The following KCNK10 variants were observed in gnomAD, a reference collection of about 807,000 sequenced individuals.
KCNK10 encodes the protein potassium channel subfamily K member 10.
A neutral mutation model predicts 47.7 loss-of-function variants in KCNK10; 25 were observed. That is an observed-to-expected ratio of 0.52 (90% confidence interval 0.38 to 0.73). KCNK10 has a LOEUF of 0.73. KCNK10 is among the 30% of genes least tolerant of loss of function. The pLI, the probability that KCNK10 is intolerant of heterozygous loss-of-function variation, is 0.00. For synonymous variants in KCNK10, 303 were observed against 285.6 expected (o/e 1.06, Z -0.61); for missense variants, 563 against 714.5 (o/e 0.79, Z 2.42).
intron 4 of KCNK10, among the ~76,000 whole-genome samples, chr14:88,203,229 C>A (rs901656654): frequency 6.6e-6 from 1 of 152,160 alleles, no homozygotes; most frequent in African/African-American, 2.4e-5. Context: ...TGGCTTCCTC[C>A]GGGACCAGTT....
At chr14:88,303,132 G>A (rs918793177) in intron 1 of KCNK10, among the ~76,000 whole-genome samples, 1 of 152,154 alleles carries the variant, frequency 6.6e-6, no homozygotes, top group Non-Finnish European at 1.5e-5. Context: ...GCTTTTAGAC[G>A]ACATAATATC....
intron 2 of KCNK10, among the ~76,000 whole-genome samples, chr14:88,245,534 A>C (rs1886610298): frequency 1.3e-5 from 2 of 152,166 alleles, no homozygotes; most frequent in African/African-American, 4.8e-5. Context: ...ACTGCTCCAG[A>C]CAGCGTGCGA....
chr14:88,242,520 T>C (rs1030330707), intron 2 of KCNK10, among the ~76,000 whole-genome samples: 2 of 152,214 alleles, frequency 1.3e-5, no homozygotes, highest in African/African-American at 4.8e-5. Context: ...GTGAGTCTAT[T>C]CTTTTCTGCC....
intron 2 of KCNK10, among the ~76,000 whole-genome samples, chr14:88,252,398 T>C (rs1395485528): frequency 2.0e-5 from 3 of 152,130 alleles, no homozygotes; most frequent in African/African-American, 7.2e-5. Context: ...AATGAAAGAA[T>C]GAATAAGTGA....
At chr14:88,302,432 A>G (rs1888119890) in intron 1 of KCNK10, among the ~76,000 whole-genome samples, 2 of 151,986 alleles carry the variant, frequency 1.3e-5, no homozygotes, top group African/African-American at 4.8e-5. Flanking sequence ...CAGAGCGGCC[A>G]GGCGCGGTGG....
rs562133606 is a variant in KCNK10, at chr14:88,223,635, T to C, written c.681+3740A>G. On this transcript the variant is annotated intron_variant, in intron 4 of 6. Coordinates refer to ENST00000319231, the MANE Select transcript of KCNK10 (RefSeq NM_138317.3). The stretch of plus-strand genomic sequence containing the variant: ...TTGGCGAGTTCTTTTTGACTTTATA[T>C]GTGATTTGATTTGGCTAAAAGGTGC... Among the ~76,000 whole-genome samples, 10 of 152,308 alleles carry C rather than the reference T, an allele frequency of 6.6e-5. No individual in the cohort carries two copies. The South Asian group carries it at 2.1e-3, about 32-fold the overall frequency.
At chr14:88,300,842 AGTTTT>A (rs377114040) in intron 1 of KCNK10, among the ~76,000 whole-genome samples, 17,910 of 124,478 alleles carry the variant, frequency 0.14, 1,544 homozygotes, top group East Asian at 0.3. Context: ...ACTGAAAATT[AGTTTT>A]ATTTATCATA....
intron 4 of KCNK10, among the ~76,000 whole-genome samples, chr14:88,217,907 G>A (rs753680116): frequency 1.1e-4 from 16 of 152,042 alleles, no homozygotes; most frequent in Admixed American, 1.3e-4. Context: ...ATTTTTAGTA[G>A]GAACAGGGTT....
intron 4 of KCNK10, among the ~76,000 whole-genome samples, chr14:88,213,298 T>A (rs1377420753): frequency 3.3e-5 from 5 of 151,868 alleles, no homozygotes; most frequent in South Asian, 2.1e-4. Context: ...AAAAAAAAAA[T>A]TACGATAATT....
At chr14:88,268,086 A>G (rs1244348564) in intron 1 of KCNK10, among the ~76,000 whole-genome samples, 1 of 152,184 alleles carries the variant, frequency 6.6e-6, no homozygotes, top group African/African-American at 2.4e-5. Flanking sequence ...GGAGGCTAGA[A>G]CAGCCACTAG....
intron 4 of KCNK10, among the ~76,000 whole-genome samples, chr14:88,221,821 T>A (rs998497451): frequency 6.6e-6 from 1 of 152,192 alleles, no homozygotes; most frequent in Non-Finnish European, 1.5e-5. Context: ...AGTAGGTGAA[T>A]GGATACATAA....
chr14:88,266,886 C>A (rs1248857952), intron 1 of KCNK10, among the ~76,000 whole-genome samples: 3 of 152,208 alleles, frequency 2.0e-5, no homozygotes, highest in Non-Finnish European at 4.4e-5. Context: ...TCCCAAGCTT[C>A]TAGCATCCCT....
intron 4 of KCNK10, among the ~76,000 whole-genome samples, chr14:88,211,456 G>A (rs1885454600): frequency 6.6e-6 from 1 of 152,160 alleles, no homozygotes; most frequent in African/African-American, 2.4e-5. Context: ...CAATGTGAAT[G>A]TACTTAATGC....
intron 1 of KCNK10, among the ~76,000 whole-genome samples, chr14:88,277,510 T>C (rs2139768735): frequency 6.6e-6 from 1 of 152,314 alleles, no homozygotes; most frequent in Middle Eastern, 3.4e-3. Flanking sequence ...ACCCACATTA[T>C]TCCTCATGGG....
Position 88,180,791 on chromosome 14 carries a change from A to G in KCNK10, c.*4744T>C, listed in dbSNP as rs1884320134. 2 of 398,622 alleles carry G rather than the reference A, an allele frequency of 5.0e-6. No individual in the cohort carries two copies. The highest frequency in any genetic ancestry group is 1.3e-4 in the South Asian group (1 of 7,856). The allele number at this position is 398,622 out of a possible 1,614,324, so 24.7% of individuals were successfully genotyped here. Reference sequence around the variant, plus strand: ...ATGGATGGGTTGGTGAAGTCCAATGAAGGTATGGTGCAGAGACAGAGGACA... The same window carrying G: ...ATGGATGGGTTGGTGAAGTCCAATGGAGGTATGGTGCAGAGACAGAGGACA... On this transcript the variant is annotated 3_prime_UTR_variant, in exon 7 of 7. Coordinates refer to ENST00000319231, the MANE Select transcript of KCNK10 (RefSeq NM_138317.3).
chr14:88,322,950 C>A lies in KCNK10; in HGVS notation c.-152G>T. On this transcript the variant is annotated 5_prime_UTR_variant, in exon 1 of 7. Coordinates refer to ENST00000319231, the MANE Select transcript of KCNK10 (RefSeq NM_138317.3). The surrounding 1 kb of genome is among the most constrained non-coding windows in gnomAD (Gnocchi z 4.8). Reference sequence around the variant, plus strand: ...CTCGTGGAGGAACCCCAGAAAAAGACAGGTGGGAAAATATTAGCTTGGGGG... The same window carrying A: ...CTCGTGGAGGAACCCCAGAAAAAGAAAGGTGGGAAAATATTAGCTTGGGGG... 6.7e-7 allele frequency: 1 copy of A among 1,481,844 alleles called. No individual in the cohort carries two copies. The highest frequency in any genetic ancestry group is 8.9e-7 in the Non-Finnish European group (1 of 1,118,832). 91.8% of individuals were successfully genotyped at this position (1,481,844 alleles called of 1,614,324 possible).
intron 1 of KCNK10, among the ~76,000 whole-genome samples, chr14:88,309,319 A>G (rs1425565053): frequency 6.6e-6 from 1 of 152,208 alleles, no homozygotes; most frequent in East Asian, 1.9e-4. Context: ...AGGCTCAAGC[A>G]GGCAGGGCAC....
chr14:88,208,228 A>G (rs1885343117), intron 4 of KCNK10, among the ~76,000 whole-genome samples: 1 of 152,248 alleles, frequency 6.6e-6, no homozygotes, highest in African/African-American at 2.4e-5. Context: ...TTAAAGGCAC[A>G]TGATCATTTT....
intron 1 of KCNK10, among the ~76,000 whole-genome samples, chr14:88,321,134 A>G (rs3850389): frequency 0.93 from 141,261 of 152,206 alleles, 65,874 homozygotes; most frequent in Non-Finnish European, 0.98. Context: ...TCACTCTGCC[A>G]TAGCCATGGG....
Sources: allele counts gnomAD v4.1 joint callset (sites outside exome capture counted in the v4.1 genomes callset), GRCh38; gene constraint gnomAD v4.1.1; non-coding constraint Gnocchi (gnomAD v3.1); transcripts MANE v1.5; gene names NCBI Gene and HGNC (gene_info 2026-07-23, HGNC 2026-07-21).